Variants in RYR2 observed in about 807,000 individuals in gnomAD.
The protein encoded by RYR2 is ryanodine receptor 2, also known as cardiac muscle ryanodine receptor-calcium release channel.
In RYR2, 227 loss-of-function variants were observed where a neutral mutation model predicts 601.1. The ratio of observed to expected loss-of-function variants is 0.38; its 90% confidence interval spans 0.34 to 0.42. RYR2 has a LOEUF of 0.42. RYR2 is among the 10% of genes least tolerant of loss of function. The probability of loss-of-function intolerance (pLI) is 1.00; values close to 1 mark genes in which losing one functional copy is unlikely to be tolerated. For missense variants in RYR2, 4,646 were observed against 6,156.5 expected (o/e 0.75, Z 8.21); for synonymous variants, 2,223 against 2,175.1 (o/e 1.02, Z -0.61).
Position 237,563,220 on chromosome 1 carries a change from A to G in RYR2, c.3215-3347A>G, listed in dbSNP as rs545321831. Among the ~76,000 whole-genome samples the G allele has an allele frequency of 5.0e-4, 76 of 152,026 alleles. 1 individual carries two copies. The highest frequency in any genetic ancestry group is 1.7e-3 in the African/African-American group (71 of 41,498). On this transcript the variant is annotated intron_variant, in intron 27 of 104. Transcript: ENST00000366574. ...GCTCGAAGTTCGAGACCAGCGTGAC[A>G]ATGGTGAAACCCCGTCTCTACTGAA...
chr1:237,375,764 G>T (rs1700981260), intron 7 of RYR2, among the ~76,000 whole-genome samples: 1 of 152,058 alleles, frequency 6.6e-6, no homozygotes, highest in South Asian at 2.1e-4. Flanking sequence ...TAGTTTTTTA[G>T]TTTTCTTATT....
At chr1:237,299,526 G>A (rs893586096) in intron 2 of RYR2, among the ~76,000 whole-genome samples, 8 of 152,144 alleles carry the variant, frequency 5.3e-5, no homozygotes, top group Non-Finnish European at 1.0e-4. Context: ...TTGATGTGCT[G>A]GACTTCTGGG....
chr1:237,174,436 G>C (rs1229992151), intron 1 of RYR2, among the ~76,000 whole-genome samples: 1 of 152,164 alleles, frequency 6.6e-6, no homozygotes, highest in Non-Finnish European at 1.5e-5. Flanking sequence ...AGTAGGCACT[G>C]TTTGAAATGA....
intron 1 of RYR2, among the ~76,000 whole-genome samples, chr1:237,051,526 G>A (rs1365029677): frequency 6.6e-6 from 1 of 151,926 alleles, no homozygotes; most frequent in African/African-American, 2.4e-5. Flanking sequence ...TAGTCCCACA[G>A]GCTGAGAGGA....
rs115226901 is a variant in RYR2, at chr1:237,132,249, G to A, written c.48+89680G>A. On this transcript the variant is annotated intron_variant, in intron 1 of 104. Transcript: ENST00000366574. ...AGCGGGGCCTGTGTGGAGATGAATT[G>A]AGCCTTCTGCCAACAACTAGGACTA... 2.3e-3 allele frequency among the ~76,000 whole-genome samples: 351 copies of A among 152,320 alleles called. 2 individuals carry two copies. The highest frequency in any genetic ancestry group is 7.7e-3 in the African/African-American group (321 of 41,578).
intron 35 of RYR2, among the ~76,000 whole-genome samples, chr1:237,605,487 G>A (rs2148533067): frequency 6.6e-6 from 1 of 152,208 alleles, no homozygotes; most frequent in African/African-American, 2.4e-5. Context: ...GCAAAAACTG[G>A]AAGCATTCCC....
intron 1 of RYR2, among the ~76,000 whole-genome samples, chr1:237,211,084 C>T (rs1454030372): frequency 6.6e-6 from 1 of 152,300 alleles, no homozygotes; most frequent in East Asian, 1.9e-4. Flanking sequence ...GCCCTGGATA[C>T]CGCTTAGGTT....
intron 1 of RYR2, among the ~76,000 whole-genome samples, chr1:237,046,520 G>A (rs1031076351): frequency 2.0e-5 from 3 of 152,136 alleles, no homozygotes; most frequent in African/African-American, 7.2e-5. Context: ...ATGCACTATG[G>A]TATTTTCCCA....
At position 237,590,523 on chromosome 1, in the gene RYR2, A is replaced by T. The variant is rs549787857; in HGVS notation, c.3808-117A>T. On this transcript the variant is annotated intron_variant, in intron 30 of 104. Coordinates refer to ENST00000366574, the MANE Select transcript of RYR2 (RefSeq NM_001035.3). ...CTGTTTAATCATCTCTTACAAAATG[A>T]TGCCATGTGTGGACCGCATTTGGGA... 8 of 705,438 alleles carry T rather than the reference A, an allele frequency of 1.1e-5. No homozygotes were observed. In the South Asian group the frequency reaches 1.5e-4, roughly 13 times the overall value. The allele number at this position is 705,438 out of a possible 1,614,324, so 43.7% of individuals were successfully genotyped here. A position where few individuals can be genotyped will look rare whatever the true frequency, so the allele number is the denominator to read the frequency against.
chr1:237,789,604 G>A (rs886387853), intron 92 of RYR2, among the ~76,000 whole-genome samples: 24 of 83,906 alleles, frequency 2.9e-4, no homozygotes, highest in Non-Finnish European at 5.7e-4. Context: ...GTGGTTTAAA[G>A]GTTGAATGGG....
At chr1:237,663,349 T>C (rs1259439515) in intron 56 of RYR2, among the ~76,000 whole-genome samples, 1 of 152,228 alleles carries the variant, frequency 6.6e-6, no homozygotes, top group Non-Finnish European at 1.5e-5. Context: ...AAAGGAACAC[T>C]TTTTATAGCA....
intron 12 of RYR2, among the ~76,000 whole-genome samples, chr1:237,430,750 A>G (rs1706719550): frequency 6.6e-6 from 1 of 152,232 alleles, no homozygotes; most frequent in Non-Finnish European, 1.5e-5. Flanking sequence ...AAATGGAAAT[A>G]GTGACTTAAA....
chr1:237,210,577 T>C (rs533972785), intron 1 of RYR2, among the ~76,000 whole-genome samples: 1 of 152,318 alleles, frequency 6.6e-6, no homozygotes, highest in Non-Finnish European at 1.5e-5. Context: ...TTTCTGTCTC[T>C]GCCATTCCAT....
At position 237,144,415 on chromosome 1, in the gene RYR2, C is replaced by T. The variant is rs188934741; in HGVS notation, c.48+101846C>T. Among the ~76,000 whole-genome samples, 5 of 152,156 alleles carry T rather than the reference C, an allele frequency of 3.3e-5. No individual in the cohort carries two copies. In the East Asian group the frequency reaches 7.7e-4, roughly 24 times the overall value. On this transcript the variant is annotated intron_variant, in intron 1 of 104. Coordinates refer to ENST00000366574, the MANE Select transcript of RYR2 (RefSeq NM_001035.3). ...TTGCAACTTGGAGCCTGGTACCTGC[C>T]GAAGTTAGACTGCCGTCTTCCAGTA...
intron 74 of RYR2, 67 bp downstream of exon 74, chr1:237,723,329 T>C (rs1573677288): frequency 7.9e-7 from 1 of 1,268,134 alleles, no homozygotes; most frequent in East Asian, 2.3e-5. Flanking sequence ...AAAGAGAATG[T>C]GTGTTAATTT....
At chr1:237,726,019 A>T (rs1393704996) in intron 74 of RYR2, among the ~76,000 whole-genome samples, 1 of 152,070 alleles carries the variant, frequency 6.6e-6, no homozygotes, top group South Asian at 2.1e-4. Context: ...TTCACTTGAC[A>T]CAAGCATCAA....
chr1:237,549,670 TGTG>T (rs1670188847), intron 26 of RYR2, among the ~76,000 whole-genome samples: 1 of 143,104 alleles, frequency 7.0e-6, no homozygotes, highest in Admixed American at 7.3e-5. Flanking sequence ...TCTTGGGAGA[TGTG>T]GTGGGAACAT....
intron 1 of RYR2, among the ~76,000 whole-genome samples, chr1:237,131,422 G>A (rs944010526): frequency 2.0e-5 from 3 of 152,052 alleles, no homozygotes; most frequent in African/African-American, 7.2e-5. Flanking sequence ...TGGGGAGGGG[G>A]AACAAGGCCC....
At chr1:237,566,530 A>C (rs373073429) in intron 27 of RYR2, 37 bp from the exon 28 acceptor site, 572 of 1,593,624 alleles carry the variant, frequency 3.6e-4, no homozygotes, top group Non-Finnish European at 4.6e-4. Context: ...TCACCTCCCC[A>C]TCCAATGACC....
Sources: gnomAD v4.1 joint callset for allele counts (sites outside exome capture counted in the v4.1 genomes callset) on GRCh38, gnomAD v4.1.1 for gene constraint, MANE v1.5 for transcripts, NCBI Gene and HGNC (gene_info 2026-07-23, HGNC 2026-07-21) for gene names.